The following SLCO4C1 variants were observed in gnomAD, a reference collection of about 807,000 sequenced individuals.
The protein encoded by SLCO4C1 is organic anion transporter M1.
In SLCO4C1, 58 loss-of-function variants were observed where a neutral mutation model predicts 72.1. The observed-to-expected ratio is 0.80, with a 90% CI of 0.65 to 1.00. SLCO4C1 has a LOEUF of 1.00. SLCO4C1 is among the 50% of genes least tolerant of loss of function. The probability of loss-of-function intolerance (pLI) is 0.00; values close to 1 mark genes in which losing one functional copy is unlikely to be tolerated. For synonymous variants in SLCO4C1, 297 were observed against 312.5 expected, an observed-to-expected ratio of 0.95 and a Z score of 0.52; for missense variants, 898 against 857.9, an observed-to-expected ratio of 1.05 and a Z score of -0.58.
intron 2 of SLCO4C1, among the ~76,000 whole-genome samples, chr5:102,287,469 T>C (rs1229862413): frequency 3.3e-5 from 5 of 151,606 alleles, no homozygotes; most frequent in Non-Finnish European, 7.4e-5. Flanking sequence ...TTGTTAACCA[T>C]CTGTGAAATC....
At chr5:102,275,386 G>C (rs1034126633) in intron 2 of SLCO4C1, among the ~76,000 whole-genome samples, 2 of 152,042 alleles carry the variant, frequency 1.3e-5, no homozygotes, top group Admixed American at 1.3e-4. Context: ...TGAAATAGTT[G>C]ATGTACCTAA....
intron 2 of SLCO4C1, among the ~76,000 whole-genome samples, chr5:102,276,647 T>C (rs1749251545): frequency 6.6e-6 from 1 of 152,128 alleles, no homozygotes. Context: ...TATAGGAGTG[T>C]TAAGCGGCAC....
intron 8 of SLCO4C1, among the ~76,000 whole-genome samples, chr5:102,256,063 G>T (rs137858423): frequency 1.3e-5 from 2 of 152,052 alleles, no homozygotes; most frequent in Admixed American, 6.6e-5. Flanking sequence ...AAAATTAGCT[G>T]GTCATGGTGG....
intron 4 of SLCO4C1, among the ~76,000 whole-genome samples, chr5:102,262,431 G>A (rs994711546): frequency 1.3e-5 from 2 of 152,018 alleles, no homozygotes; most frequent in African/African-American, 2.4e-5. Context: ...TTCAATTAGA[G>A]CATTTCTTTA....
chr5:102,260,735 G>T (rs563019527), intron 5 of SLCO4C1, among the ~76,000 whole-genome samples: 1 of 151,926 alleles, frequency 6.6e-6, no homozygotes, highest in Admixed American at 6.6e-5. Flanking sequence ...GTACTTTTGT[G>T]GCTTTTTTCC....
At chr5:102,266,985 A>G (rs1749053602) in intron 3 of SLCO4C1, among the ~76,000 whole-genome samples, 1 of 152,128 alleles carries the variant, frequency 6.6e-6, no homozygotes, top group African/African-American at 2.4e-5. Context: ...ATTCCACTTG[A>G]ACATGGTGTA....
chr5:102,280,842 T>C (rs1749341232), intron 2 of SLCO4C1, among the ~76,000 whole-genome samples: 1 of 152,020 alleles, frequency 6.6e-6, no homozygotes, highest in African/African-American at 2.4e-5. Context: ...TCCCTTGACA[T>C]GTGGGGATCA....
intron 1 of SLCO4C1, among the ~76,000 whole-genome samples, chr5:102,295,467 C>T (rs1749631689): frequency 6.6e-6 from 1 of 152,130 alleles, no homozygotes; most frequent in African/African-American, 2.4e-5. Context: ...CATCCCACTC[C>T]CACCTGCAAA....
At chr5:102,286,847 T>G (rs1749461904) in intron 2 of SLCO4C1, among the ~76,000 whole-genome samples, 1 of 152,292 alleles carries the variant, frequency 6.6e-6, no homozygotes. Flanking sequence ...ACTTTTGTTC[T>G]TAACGTTCTT....
chr5:102,236,581 C>CAT lies in SLCO4C1; in HGVS notation c.*276_*277insAT, dbSNP rs375932197. ...AATAGGAAATAAGTGTGTATGTGTG[C>CAT]GTGTGTGTGTGTGTGTGTGTGTTCG... is the stretch of plus-strand genomic sequence containing the variant. On this transcript the variant is annotated 3_prime_UTR_variant, in exon 13 of 13. Coordinates refer to ENST00000310954, the MANE Select transcript of SLCO4C1 (RefSeq NM_180991.5). The CAT allele has an allele frequency of 1.9e-5, 5 of 262,412 alleles. No individual in the cohort carries two copies. Among genetic ancestry groups the CAT allele is most frequent in the East Asian group, 1.1e-4 (1 of 8,844 alleles). The allele number at this position is 262,412 out of a possible 1,614,324, so 16.3% of individuals were successfully genotyped here.
intron 1 of SLCO4C1, among the ~76,000 whole-genome samples, chr5:102,294,178 C>T (rs1749605653): frequency 6.6e-6 from 1 of 151,972 alleles, no homozygotes; most frequent in African/African-American, 2.4e-5. Flanking sequence ...CAAAGTGCTG[C>T]AATTACAGGC....
Position 102,257,996 on chromosome 5 carries a change from T to G in SLCO4C1, c.1220A>C (p.Lys407Thr). 2 of 1,609,558 alleles carry G rather than the reference T, an allele frequency of 1.2e-6. No homozygotes were observed. The highest frequency in any genetic ancestry group is 1.7e-6 in the Non-Finnish European group (2 of 1,178,564). Reference sequence around the variant, plus strand: ...CAATCCGAATTGATTTTCTATAAATTTAGGTAAAAATGTAGCAAATCCAGT... The same window carrying G: ...CAATCCGAATTGATTTTCTATAAATGTAGGTAAAAATGTAGCAAATCCAGT... ...ITTGFATFLPKFIENQFGLTS... is the reference protein window; with the variant it reads ...ITTGFATFLPTFIENQFGLTS... The change falls in exon 7 of 13, where the codon AAA becomes ACA. Residue 407 changes from lysine (K) to threonine (T), a missense_variant. Coordinates refer to ENST00000310954, the MANE Select transcript of SLCO4C1 (RefSeq NM_180991.5).
intron 2 of SLCO4C1, among the ~76,000 whole-genome samples, chr5:102,274,606 C>T (rs113736789): frequency 3.5e-4 from 54 of 152,236 alleles, no homozygotes; most frequent in African/African-American, 9.6e-4. Context: ...TCCACTTCCC[C>T]AGCCACACAT....
chr5:102,282,046 C>G (rs1326017586), intron 2 of SLCO4C1, among the ~76,000 whole-genome samples: 1 of 152,002 alleles, frequency 6.6e-6, no homozygotes, highest in African/African-American at 2.4e-5. Context: ...ATGGTACATC[C>G]ATACCATGGA....
chr5:102,268,877 G>A (rs1344338882), intron 3 of SLCO4C1, among the ~76,000 whole-genome samples: 1 of 152,034 alleles, frequency 6.6e-6, no homozygotes, highest in Non-Finnish European at 1.5e-5. Flanking sequence ...GCTTGCCTGG[G>A]AAATACTTTA....
At chr5:102,294,586 C>T (rs1240420796) in intron 1 of SLCO4C1, among the ~76,000 whole-genome samples, 1 of 152,126 alleles carries the variant, frequency 6.6e-6, no homozygotes, top group African/African-American at 2.4e-5. Flanking sequence ...TTTTTATCTT[C>T]GCATTCCTTT....
rs746231957 is a variant in SLCO4C1, at chr5:102,295,970, A to C, written c.293T>G (p.Leu98Arg). ...GCCTCCAGGTGTGTTGCAGCGCTGG[A>C]GACATTGAGGATGGAAGTTCCTCCA... ...YGWRNFHPQC[L>R]QRCNTPGGFL... Residue 98 changes from leucine to arginine, a missense_variant, in exon 1 of 13, where the codon CTC becomes CGC. By Grantham distance (102) the Leu-to-Arg change is moderately radical. Coordinates refer to ENST00000310954, the MANE Select transcript of SLCO4C1 (RefSeq NM_180991.5). The C allele has an allele frequency of 4.2e-5, 67 of 1,614,126 alleles. No homozygotes were observed. Among genetic ancestry groups the C allele is most frequent in the Admixed American group, 3.3e-5 (2 of 60,010 alleles).
At chr5:102,287,761 G>A (rs771352856) in intron 2 of SLCO4C1, among the ~76,000 whole-genome samples, 31 of 151,140 alleles carry the variant, frequency 2.1e-4, no homozygotes, top group Non-Finnish European at 3.7e-4. Flanking sequence ...TCACTGTGTT[G>A]GCCAGGCTGG....
At chr5:102,260,170 G>T (rs1444025801) in intron 6 of SLCO4C1, 43 bp downstream of exon 6, 1 of 520,826 alleles carries the variant, frequency 1.9e-6, no homozygotes. Flanking sequence ...ATATGTGTGT[G>T]TGTATGAGAC....
Sources: allele counts gnomAD v4.1 joint callset (sites outside exome capture counted in the v4.1 genomes callset), GRCh38; gene constraint gnomAD v4.1.1; transcripts MANE v1.5; gene names NCBI Gene and HGNC (gene_info 2026-07-23, HGNC 2026-07-21).